Variants in FRS3 observed in about 807,000 individuals in gnomAD.
FRS3 encodes FGFR substrate 3.
Under a neutral mutation model 41.9 loss-of-function variants are expected in FRS3, and 17 were observed. That is an observed-to-expected ratio of 0.41 (90% CI 0.28 to 0.61). FRS3 has a LOEUF of 0.61. FRS3 is among the 20% of genes least tolerant of loss of function. FRS3 has a pLI of 0.36. For missense variants in FRS3, 619 were observed against 672.1 expected, an observed-to-expected ratio of 0.92 and a Z score of 0.87; for synonymous variants, 287 against 274.5, an observed-to-expected ratio of 1.05 and a Z score of -0.45.
In FRS3 at chr6:41,771,299, G is replaced by C. The variant is rs751587190; in HGVS notation, c.799C>G (p.Pro267Ala). The C allele has an allele frequency of 1.2e-6, 2 of 1,613,482 alleles. No individual in the cohort carries two copies. The highest frequency in any genetic ancestry group is 2.2e-5 in the East Asian group (1 of 44,856). Reference protein sequence around the residue: ...QGLCPSLHDPPHHNNNNEAPS... With the variant: ...QGLCPSLHDPAHHNNNNEAPS... ...GCCTCATTGTTATTATTGTGGTGTG[G>C]GGGGTCATGCAGGCTGGGACAGAGG... Residue 267 changes from proline (P) to alanine (A), a missense_variant, in exon 7 of 7, where the codon CCA becomes GCA. Coordinates refer to ENST00000373018, the MANE Select transcript of FRS3 (RefSeq NM_006653.5).
rs559997076 is a variant in FRS3 at position 41,771,717 on chromosome 6, C to A, written c.564+99G>T. On this transcript the variant is annotated intron_variant, in intron 6 of 6. Coordinates refer to ENST00000373018, the MANE Select transcript of FRS3 (RefSeq NM_006653.5). The stretch of plus-strand genomic sequence containing the variant: ...AGGAAGGGACCGTTACAATGTTCTT[C>A]CCCTTCCCGTGATCCTTACTGGGAG... 87 of 1,342,476 alleles carry A rather than the reference C, an allele frequency of 6.5e-5. No individual in the cohort carries two copies. Among genetic ancestry groups the A allele is most frequent in the Non-Finnish European group, 8.4e-5 (82 of 980,658 alleles). 83.2% of individuals were successfully genotyped at this position (1,342,476 alleles called of 1,614,324 possible).
At chr6:41,773,359 CTCCCAAAG>C (rs1356036906) in intron 4 of FRS3, among the ~76,000 whole-genome samples, 1 of 151,960 alleles carries the variant, frequency 6.6e-6, no homozygotes, top group African/African-American at 2.4e-5. Flanking sequence ...CTGCTGCGGC[CTCCCAAAG>C]TGCTGGGATT....
chr6:41,773,858 C>T (rs145531576), intron 4 of FRS3, among the ~76,000 whole-genome samples: 1 of 149,682 alleles, frequency 6.7e-6, no homozygotes, highest in Non-Finnish European at 1.5e-5. Context: ...GGTGACAGAG[C>T]GAGACTCTGT....
chr6:41,776,902 G>A lies in FRS3; in HGVS notation c.66+20C>T, dbSNP rs989131243. The A allele has an allele frequency of 2.5e-6, 4 of 1,601,648 alleles. No homozygotes were observed. The highest frequency in any genetic ancestry group is 1.7e-4 in the Middle Eastern group (1 of 6,018). On this transcript the variant is annotated intron_variant, in intron 3 of 6. Transcript: ENST00000373018. ...AAGAGGCCATGTTGGGAACACAGGA[G>A]AGGAGAGGGCTCTGGGTACCTTGAA...
chr6:41,771,716 TC>T (rs1581967786), intron 6 of FRS3, 99 bp downstream of exon 6: 1 of 1,335,632 alleles, frequency 7.5e-7, no homozygotes, highest in Non-Finnish European at 1.0e-6. Flanking sequence ...ACAATGTTCT[TC>T]CCCTTCCCGT....
rs773809864 is a variant in FRS3 at position 41,770,674 on chromosome 6, C to T, written c.1424G>A (p.Arg475Gln). The T allele has an allele frequency of 5.6e-6, 9 of 1,613,814 alleles. No individual in the cohort carries two copies. Among genetic ancestry groups the T allele is most frequent in the African/African-American group, 2.7e-5 (2 of 74,830 alleles). Residue 475 changes from arginine (R) to glutamine (Q), a missense_variant, in exon 7 of 7, where the codon CGA becomes CAA. Physicochemically the swap from Arg to Gln is conservative, Grantham distance 43. Around this residue, in one of 3 missense-constraint regions of FRS3, gnomAD observed 32 missense variants for 55.6 expected, o/e 0.58. Transcript: ENST00000373018. ...GGTTTTCCTGGCGGTGCCATCGTCTCGGGGCAGAGCTCTCTGCAGGTTGGA... is the reference window on the plus strand; with the variant it reads ...GGTTTTCCTGGCGGTGCCATCGTCTTGGGGCAGAGCTCTCTGCAGGTTGGA... ...AMSNLQRALPRDDGTARKTRH... is the reference protein window; with the variant it reads ...AMSNLQRALPQDDGTARKTRH...
chr6:41,772,303 A>AAAG (rs1249854448), intron 5 of FRS3, among the ~76,000 whole-genome samples: 1 of 152,150 alleles, frequency 6.6e-6, no homozygotes, highest in African/African-American at 2.4e-5. Flanking sequence ...CTCCTCAAAA[A>AAAG]AAGGGACTGC....
Sources: allele counts gnomAD v4.1 joint callset (sites outside exome capture counted in the v4.1 genomes callset), GRCh38; gene constraint gnomAD v4.1.1; regional missense constraint gnomAD v4.1.1; transcripts MANE v1.5; gene names NCBI Gene and HGNC (gene_info 2026-07-23, HGNC 2026-07-21).